Variants in TCF4 observed in about 807,000 individuals in gnomAD.
TCF4 encodes the protein SL3-3 enhancer factor 2.
A neutral mutation model predicts 82.1 loss-of-function variants in TCF4; 3 were observed. The observed-to-expected ratio is 0.04, with a 90% CI of 0.02 to 0.09. The LOEUF (loss-of-function observed/expected upper bound fraction) is 0.09. TCF4 is among the 10% of genes least tolerant of loss of function. TCF4 has a pLI of 1.00. For synonymous variants in TCF4, 276 were observed against 309.6 expected, an observed-to-expected ratio of 0.89 and a Z score of 1.14; for missense variants, 518 against 852.7, an observed-to-expected ratio of 0.61 and a Z score of 4.89.
chr18:55,424,870 A>C (rs146706571), intron 5 of TCF4, among the ~76,000 whole-genome samples: 1 of 152,348 alleles, frequency 6.6e-6, no homozygotes, highest in Non-Finnish European at 1.5e-5. Flanking sequence ...TGCTCATCCG[A>C]AGAGTGATTG....
At chr18:55,377,998 T>C (rs1001152592) in intron 6 of TCF4, among the ~76,000 whole-genome samples, 4 of 152,232 alleles carry the variant, frequency 2.6e-5, no homozygotes, top group African/African-American at 9.6e-5. Context: ...TGTTACTGTG[T>C]TATTTCCTTT....
At chr18:55,543,290 GA>G (rs2097179742) in intron 3 of TCF4, among the ~76,000 whole-genome samples, 1 of 151,984 alleles carries the variant, frequency 6.6e-6, no homozygotes, top group Non-Finnish European at 1.5e-5. Context: ...GCAAAATGGG[GA>G]TAACATTATC....
intron 3 of TCF4, chr18:55,510,709 T>C (rs530981802): frequency 1.4e-6 from 2 of 1,429,704 alleles, no homozygotes; most frequent in East Asian, 5.2e-5. Context: ...AAAAGGCCTT[T>C]CTTTTAAGGG....
intron 5 of TCF4, among the ~76,000 whole-genome samples, chr18:55,435,570 T>C (rs1471014601): frequency 6.6e-6 from 1 of 152,226 alleles, no homozygotes; most frequent in Non-Finnish European, 1.5e-5. Flanking sequence ...CACTGAAACA[T>C]GGCTTGTACA....
intron 9 of TCF4, among the ~76,000 whole-genome samples, chr18:55,276,910 T>C (rs1568630944): frequency 6.6e-6 from 1 of 152,200 alleles, no homozygotes; most frequent in African/African-American, 2.4e-5. Flanking sequence ...GTAACTGGAC[T>C]CATTTCATAT....
chr18:55,245,538 G>A (rs1450377236), intron 15 of TCF4, among the ~76,000 whole-genome samples: 2 of 152,334 alleles, frequency 1.3e-5, no homozygotes, highest in East Asian at 1.9e-4. Flanking sequence ...TGGAGCTGCC[G>A]TGCTGTGGAG....
intron 2 of TCF4, among the ~76,000 whole-genome samples, chr18:55,627,255 C>T (rs1386851283): frequency 2.0e-5 from 3 of 152,080 alleles, no homozygotes; most frequent in African/African-American, 7.2e-5. Context: ...TGTCAACAAA[C>T]ATATTGAGCA....
At chr18:55,502,376 T>C (rs1252858052) in intron 3 of TCF4, among the ~76,000 whole-genome samples, 1 of 152,228 alleles carries the variant, frequency 6.6e-6, no homozygotes, top group East Asian at 1.9e-4. Context: ...AGAGGTCCTT[T>C]TGGTCATCTC....
chr18:55,458,045 A>G (rs948140763), intron 5 of TCF4, among the ~76,000 whole-genome samples: 6 of 152,138 alleles, frequency 3.9e-5, no homozygotes, highest in Non-Finnish European at 7.4e-5. Context: ...AAACCTTACT[A>G]AATGAACAGT....
intron 5 of TCF4, among the ~76,000 whole-genome samples, chr18:55,457,646 T>C (rs1026328169): frequency 1.3e-5 from 2 of 152,158 alleles, no homozygotes; most frequent in African/African-American, 4.8e-5. Context: ...CCACCACGCC[T>C]GGCTAAGTTT....
At chr18:55,334,285 G>A (rs1384703504) in intron 8 of TCF4, among the ~76,000 whole-genome samples, 1 of 152,152 alleles carries the variant, frequency 6.6e-6, no homozygotes, top group East Asian at 1.9e-4. Context: ...TACTCTACAT[G>A]TCTTAAAATA....
At chr18:55,531,134 A>G (rs1387054893) in intron 3 of TCF4, among the ~76,000 whole-genome samples, 2 of 151,818 alleles carry the variant, frequency 1.3e-5, no homozygotes, top group African/African-American at 4.8e-5. Flanking sequence ...TTGTATTTTT[A>G]GTAGAGATGG....
intron 5 of TCF4, among the ~76,000 whole-genome samples, chr18:55,446,962 G>A (rs565839872): frequency 6.7e-6 from 1 of 149,214 alleles, no homozygotes; most frequent in African/African-American, 2.5e-5. Context: ...TGCTAGCCTG[G>A]GGACAGAGCG....
At chr18:55,373,503 G>T (rs992871409) in intron 6 of TCF4, among the ~76,000 whole-genome samples, 7 of 151,966 alleles carry the variant, frequency 4.6e-5, no homozygotes, top group Non-Finnish European at 1.0e-4. Context: ...AGTAATAAAA[G>T]GTTTAATATA....
At chr18:55,338,286 C>T (rs1413881337) in intron 8 of TCF4, among the ~76,000 whole-genome samples, 1 of 152,180 alleles carries the variant, frequency 6.6e-6, no homozygotes, top group East Asian at 1.9e-4. Context: ...ACTATGTGCC[C>T]TCCCCCGAGG....
At chr18:55,475,352 A>G (rs556626182) in intron 3 of TCF4, among the ~76,000 whole-genome samples, 3 of 152,154 alleles carry the variant, frequency 2.0e-5, no homozygotes, top group Non-Finnish European at 4.4e-5. Flanking sequence ...TAATACTACA[A>G]TAGTGGTCTG....
At chr18:55,413,439 T>A (rs138000789) in intron 5 of TCF4, among the ~76,000 whole-genome samples, 322 of 152,284 alleles carry the variant, frequency 2.1e-3, no homozygotes, top group African/African-American at 7.1e-3. Flanking sequence ...AGAATGATGT[T>A]TTCCAGCCAA....
At chr18:55,437,132 G>C (rs548135928) in intron 5 of TCF4, among the ~76,000 whole-genome samples, 2 of 152,316 alleles carry the variant, frequency 1.3e-5, no homozygotes, top group African/African-American at 4.8e-5. Flanking sequence ...AAAAAATAAT[G>C]AATGGGGGTT....
intron 2 of TCF4, among the ~76,000 whole-genome samples, chr18:55,622,098 A>T (rs1216415762): frequency 7.0e-6 from 1 of 142,534 alleles, no homozygotes; most frequent in Admixed American, 7.6e-5. Flanking sequence ...CTATTATTTA[A>T]TGTCCAAAAT....
Sources: allele counts gnomAD v4.1 joint callset (sites outside exome capture counted in the v4.1 genomes callset), GRCh38; gene constraint gnomAD v4.1.1; transcripts MANE v1.5; gene names NCBI Gene and HGNC (gene_info 2026-07-23, HGNC 2026-07-21).